SH3RF2: variants seen among roughly 807,000 people sequenced by gnomAD.
The protein encoded by SH3RF2 is SH3 domain containing ring finger 2, also known as E3 ubiquitin-protein ligase SH3RF2.
SH3RF2 carries 43 observed loss-of-function variants against 59.0 expected under a neutral mutation model. That is an observed-to-expected ratio of 0.73 (90% CI 0.57 to 0.94). The LOEUF is 0.94. SH3RF2 is among the 40% of genes least tolerant of loss of function. The pLI is 0.00. For missense variants in SH3RF2, 930 were observed against 940.1 expected (o/e 0.99, Z 0.14); for synonymous variants, 391 against 391.5 (o/e 1.00, Z 0.01).
chr5:145,987,641 A>G (rs986902462), intron 2 of SH3RF2, among the ~76,000 whole-genome samples: 2 of 152,108 alleles, frequency 1.3e-5, no homozygotes, highest in African/African-American at 4.8e-5. Context: ...TTATATATTT[A>G]TGTGTGTTTA....
intron 2 of SH3RF2, among the ~76,000 whole-genome samples, chr5:145,966,790 A>G (rs111401653): frequency 0.078 from 11,866 of 152,182 alleles, 1,564 homozygotes; most frequent in African/African-American, 0.27. Flanking sequence ...GGGAGGCCAA[A>G]GCAGGTGGAT....
In SH3RF2 at chr5:146,077,331, T is replaced by C. The variant is rs141356732; in HGVS notation, c.*34-1129T>C. ...GTGTGAGGATCATAGGAATGCAGGT[T>C]GAGTTTGGTCATCAAAATACAATAT... On this transcript the variant is annotated intron_variant, in intron 9 of 9. Transcript: ENST00000511217. Among the ~76,000 whole-genome samples, 268 of 152,314 alleles carry C rather than the reference T, an allele frequency of 1.8e-3. 1 individual carries two copies. Among genetic ancestry groups the C allele is most frequent in the African/African-American group, 6.0e-3 (249 of 41,572 alleles).
chr5:146,027,693 A>G (rs1443153408), intron 5 of SH3RF2, among the ~76,000 whole-genome samples: 1 of 152,222 alleles, frequency 6.6e-6, no homozygotes, highest in East Asian at 1.9e-4. Flanking sequence ...GCCTGGAAGA[A>G]GTGATCTTCA....
At chr5:146,025,215 C>A (rs973387797) in intron 5 of SH3RF2, among the ~76,000 whole-genome samples, 1 of 152,240 alleles carries the variant, frequency 6.6e-6, no homozygotes, top group African/African-American at 2.4e-5. Flanking sequence ...CTCATTTGTT[C>A]CTGGGCATTC....
chr5:146,015,339 C>T (rs1761062587), intron 5 of SH3RF2, among the ~76,000 whole-genome samples: 1 of 152,112 alleles, frequency 6.6e-6, no homozygotes, highest in Non-Finnish European at 1.5e-5. Flanking sequence ...CTTTCTCTTT[C>T]TCCTCCATTT....
chr5:146,032,431 A>G (rs970638228), intron 5 of SH3RF2, among the ~76,000 whole-genome samples: 2 of 152,134 alleles, frequency 1.3e-5, no homozygotes, highest in African/African-American at 4.8e-5. Flanking sequence ...TTCAGCTCTT[A>G]CATACTAGGA....
intron 4 of SH3RF2, among the ~76,000 whole-genome samples, chr5:146,009,926 C>T (rs563644518): frequency 3.9e-5 from 6 of 152,210 alleles, no homozygotes; most frequent in East Asian, 3.9e-4. Flanking sequence ...ATGTGCACAA[C>T]GTGCAGGTTT....
At chr5:146,014,338 T>C (rs1226358586) in intron 5 of SH3RF2, among the ~76,000 whole-genome samples, 2 of 152,188 alleles carry the variant, frequency 1.3e-5, no homozygotes, top group Non-Finnish European at 2.9e-5. Flanking sequence ...CACAGATACT[T>C]TTCTTTCCCT....
At chr5:146,064,779 G>GAAA (rs1381300650), downstream of SH3RF2, among the ~76,000 whole-genome samples, 28 of 6,514 alleles carry the variant, frequency 4.3e-3, 1 homozygote, top group African/African-American at 9.4e-3. Context: ...AGGAAGGAAA[G>GAAA]GAAGGAAGGA....
intron 7 of SH3RF2, among the ~76,000 whole-genome samples, chr5:146,053,591 C>T (rs768626129): frequency 2.0e-5 from 3 of 152,130 alleles, no homozygotes; most frequent in Non-Finnish European, 2.9e-5. Context: ...GAAGACCACT[C>T]GATGTGAGAA....
At chr5:146,046,665 G>A (rs995887403) in intron 5 of SH3RF2, among the ~76,000 whole-genome samples, 1 of 152,134 alleles carries the variant, frequency 6.6e-6, no homozygotes, top group Non-Finnish European at 1.5e-5. Flanking sequence ...GGAATTTACA[G>A]TCTAGCAAGG....
chr5:146,058,861 C>T (rs572216886), intron 8 of SH3RF2, among the ~76,000 whole-genome samples: 1 of 144,898 alleles, frequency 6.9e-6, no homozygotes, highest in Admixed American at 7.0e-5. Flanking sequence ...GAGACAGGAC[C>T]ATCTCAATTT....
At chr5:146,029,380 C>A (rs1761661153) in intron 5 of SH3RF2, among the ~76,000 whole-genome samples, 1 of 152,194 alleles carries the variant, frequency 6.6e-6, no homozygotes, top group Admixed American at 6.5e-5. Context: ...AGGAGAGATT[C>A]TGGGACAGCA....
At chr5:145,978,118 T>C (rs1169731114) in intron 2 of SH3RF2, among the ~76,000 whole-genome samples, 4 of 152,218 alleles carry the variant, frequency 2.6e-5, no homozygotes, top group Admixed American at 6.5e-5. Flanking sequence ...AAGATTTGGT[T>C]CCTACTCTCA....
chr5:145,990,037 A>T (rs940723905), intron 2 of SH3RF2, among the ~76,000 whole-genome samples: 2 of 152,214 alleles, frequency 1.3e-5, no homozygotes, highest in Non-Finnish European at 2.9e-5. Flanking sequence ...TCCAGTTTCA[A>T]GTGTCAAAAA....
intron 8 of SH3RF2, among the ~76,000 whole-genome samples, chr5:146,059,535 C>CGT (rs1302945935): frequency 6.6e-6 from 1 of 150,824 alleles, no homozygotes; most frequent in Non-Finnish European, 1.5e-5. Flanking sequence ...TTCACGCGCG[C>CGT]GTGTGTGTGT....
chr5:145,989,761 G>A (rs887876865), intron 2 of SH3RF2, among the ~76,000 whole-genome samples: 8 of 151,938 alleles, frequency 5.3e-5, no homozygotes, highest in African/African-American at 1.9e-4. Context: ...GTGTCAAAGA[G>A]CTTATTACAC....
chr5:145,992,351 T>C (rs180685302), intron 2 of SH3RF2, among the ~76,000 whole-genome samples: 1 of 152,180 alleles, frequency 6.6e-6, no homozygotes, highest in Non-Finnish European at 1.5e-5. Context: ...CCAGCTTGGG[T>C]GACAAAGTGA....
chr5:146,056,302 G>C, intron 8 of SH3RF2, 89 bp downstream of exon 8: 1 of 1,579,482 alleles, frequency 6.3e-7, no homozygotes, highest in Non-Finnish European at 8.6e-7. Context: ...TGCAAAAACA[G>C]GATCTTGGCT....
Sources: allele counts gnomAD v4.1 joint callset (sites outside exome capture counted in the v4.1 genomes callset), GRCh38; gene constraint gnomAD v4.1.1; transcripts MANE v1.5; gene names NCBI Gene and HGNC (gene_info 2026-07-23, HGNC 2026-07-21).